SEPTIN8: variants seen among roughly 807,000 people sequenced by gnomAD.
SEPTIN8 encodes septin-8.
A neutral mutation model predicts 53.1 loss-of-function variants in SEPTIN8; 22 were observed. The observed-to-expected ratio is 0.41, with a 90% CI of 0.30 to 0.59. The LOEUF (loss-of-function observed/expected upper bound fraction) is 0.59, where lower values mean the gene tolerates loss of function less well. SEPTIN8 is among the 20% of genes least tolerant of loss of function. SEPTIN8 has a pLI of 0.24. For missense variants in SEPTIN8, 536 were observed against 638.7 expected (o/e 0.84, Z 1.73); for synonymous variants, 228 against 248.4 (o/e 0.92, Z 0.77).
chr5:132,757,403 G>C, intron 9 of SEPTIN8: 1 of 985,476 alleles, frequency 1.0e-6, no homozygotes, highest in Non-Finnish European at 1.2e-6. Context: ...ATCTCAGGAA[G>C]GCAGGAGGAA....
chr5:132,756,782 T>A, intron 9 of SEPTIN8: 2 of 985,426 alleles, frequency 2.0e-6, no homozygotes, highest in Non-Finnish European at 2.4e-6. Context: ...CCTTTCAGTA[T>A]GCCTGGGGTG....
intron 4 of SEPTIN8, 28 bp from the exon 5 acceptor site, chr5:132,762,673 G>A (rs1259699787): frequency 6.2e-7 from 1 of 1,613,460 alleles, no homozygotes; most frequent in Non-Finnish European, 8.5e-7. Flanking sequence ...GGGGACAGCA[G>A]GCTGGTTGGC....
chr5:132,752,880 G>C, intron 9 of SEPTIN8: 3 of 1,613,960 alleles, frequency 1.9e-6, no homozygotes, highest in Non-Finnish European at 2.5e-6. Context: ...GTGATATGCA[G>C]TACAGCTGCT....
intron 9 of SEPTIN8, chr5:132,752,899 C>G: frequency 6.2e-7 from 1 of 1,614,132 alleles, no homozygotes; most frequent in South Asian, 1.1e-5. Context: ...CTGCAAGGAA[C>G]TTGTAATGCA....
In SEPTIN8 at chr5:132,758,513, G is replaced by A. The variant is rs17716311; in HGVS notation, c.1286+2289C>T. ...CGCTAGAGCGGCACATAACAGCTCCGTCAGGGAATAGTGACACTGTAAATG... is the reference window on the plus strand; with the variant it reads ...CGCTAGAGCGGCACATAACAGCTCCATCAGGGAATAGTGACACTGTAAATG... On this transcript the variant is annotated intron_variant, in intron 9 of 9. Coordinates refer to ENST00000378719, the MANE Select transcript of SEPTIN8 (RefSeq NM_001098811.2). 11,741 of 1,613,262 alleles carry A rather than the reference G, an allele frequency of 7.3e-3. 326 individuals are homozygous for A. In the East Asian group the frequency reaches 0.096, roughly 13 times the overall value.
At position 132,761,226 on chromosome 5, in the gene SEPTIN8, T is replaced by C. The variant is rs1755905939; in HGVS notation, c.1002A>G (p.Leu334=). 5.6e-6 allele frequency: 9 copies of C among 1,614,132 alleles called. No homozygotes were observed. Among genetic ancestry groups the C allele is most frequent in the Non-Finnish European group, 7.6e-6 (9 of 1,180,034 alleles). The change falls in exon 8 of 10, where the codon CTA becomes CTG. Residue 334 remains leucine, a synonymous_variant. Coordinates refer to ENST00000378719, the MANE Select transcript of SEPTIN8 (RefSeq NM_001098811.2). The surrounding 1 kb of genome is among the most constrained non-coding windows in gnomAD (Gnocchi z 5.8). The part of the protein sequence containing the change: ...ETYEAKRKEF[L]SELQRKEEEM... ...CTTCCTCCTTCCTCTGCAGCTCACTTAGGAACTCCTTCCTCTTGGCCTCGT... is the reference window on the plus strand; with the variant it reads ...CTTCCTCCTTCCTCTGCAGCTCACTCAGGAACTCCTTCCTCTTGGCCTCGT...
At chr5:132,759,018 A>C (rs1448614939) in intron 9 of SEPTIN8, 2 of 721,846 alleles carry the variant, frequency 2.8e-6, no homozygotes, top group Non-Finnish European at 5.1e-6. Flanking sequence ...CTGATTGGGA[A>C]GTAATTTTGC....
intron 1 of SEPTIN8, among the ~76,000 whole-genome samples, chr5:132,766,114 G>A (rs1756563082): frequency 6.6e-6 from 1 of 152,198 alleles, no homozygotes; most frequent in African/African-American, 2.4e-5. Flanking sequence ...ACACCCACGT[G>A]TGGGACTCAT....
chr5:132,777,469 A>C (rs1273388955), upstream of SEPTIN8: 26 of 981,098 alleles, frequency 2.7e-5, no homozygotes, highest in Non-Finnish European at 3.2e-5. The surrounding 1 kb of genome is among the most constrained non-coding windows in gnomAD (Gnocchi z 4.1). Context: ...CCGGGACGGC[A>C]GTGTCGGGGG....
rs1219734653 is a variant in SEPTIN8, at chr5:132,776,129, C to T, written c.30+979G>A. On this transcript the variant is annotated intron_variant, in intron 1 of 9. Coordinates refer to ENST00000378719, the MANE Select transcript of SEPTIN8 (RefSeq NM_001098811.2). The surrounding 1 kb of genome is among the most constrained non-coding windows in gnomAD (Gnocchi z 4.4). The stretch of plus-strand genomic sequence containing the variant: ...TTATCGTTCACATATTCAGAATTCC[C>T]CCTTCCCTCCAACAGCCCTGGGCCT... Among the ~76,000 whole-genome samples the T allele has an allele frequency of 6.6e-6, 1 of 151,998 alleles. No individual in the cohort carries two copies. Among genetic ancestry groups the T allele is most frequent in the Admixed American group, 6.6e-5 (1 of 15,258 alleles).
chr5:132,758,664 C>T lies in SEPTIN8; in HGVS notation c.1286+2138G>A, dbSNP rs116236254. 1,373 of 1,591,460 alleles carry T rather than the reference C, an allele frequency of 8.6e-4. 11 individuals carry two copies. In the African/African-American group the frequency reaches 0.017, roughly 19 times the overall value. On this transcript the variant is annotated intron_variant, in intron 9 of 9. Transcript: ENST00000378719. ...GCCCGGGGCAGCCTGGGGCCAGGGT[C>T]GGTGGGAGGAAAGCAAGGCTGTAAA... is the stretch of plus-strand genomic sequence containing the variant.
chr5:132,779,265 G>A (rs778561865), upstream of SEPTIN8, among the ~76,000 whole-genome samples: 51 of 152,156 alleles, frequency 3.4e-4, no homozygotes, highest in Admixed American at 2.0e-4. Context: ...ATGGCAAAGT[G>A]TTATTTCTTA....
In SEPTIN8 at chr5:132,751,661, C is replaced by T; in HGVS notation, c.*355G>A. 1 of 445,488 alleles carries T rather than the reference C, an allele frequency of 2.2e-6. No individual in the cohort carries two copies. Among genetic ancestry groups the T allele is most frequent in the South Asian group, 3.7e-5 (1 of 27,164 alleles). The allele number at this position is 445,488 out of a possible 1,614,324, so 27.6% of individuals were successfully genotyped here. A position where few individuals can be genotyped will look rare whatever the true frequency, so the allele number is the denominator to read the frequency against. ...CAGATACAAGTAACTTTTCTGCTAC[C>T]TTGGTCTTGAATAGTATGTTTCTAT... On this transcript the variant is annotated 3_prime_UTR_variant, in exon 10 of 10. Coordinates refer to ENST00000378719, the MANE Select transcript of SEPTIN8 (RefSeq NM_001098811.2).
intron 9 of SEPTIN8, chr5:132,756,154 C>T (rs1485314804): frequency 1.0e-6 from 1 of 985,338 alleles, no homozygotes; most frequent in Non-Finnish European, 1.2e-6. Context: ...GCCACACTTC[C>T]TCAGGCCTCG....
Position 132,760,229 on chromosome 5 carries a change from C to T in SEPTIN8, c.1286+573G>A, listed in dbSNP as rs140618355. 1.4e-3 allele frequency among the ~76,000 whole-genome samples: 211 copies of T among 152,208 alleles called. No individual in the cohort carries two copies. Among genetic ancestry groups the T allele is most frequent in the Non-Finnish European group, 2.8e-3 (188 of 68,024 alleles). ...AGCCAATACGGGCTCCACACCACTG[C>T]CCCACAGACTGAGGAGGGATGCGCC... On this transcript the variant is annotated intron_variant, in intron 9 of 9. Transcript: ENST00000378719. This position sits in a 1 kb window ranked among gnomAD's most constrained non-coding sequence, Gnocchi z 5.2.
chr5:132,763,010 G>A (rs979069192), intron 4 of SEPTIN8, among the ~76,000 whole-genome samples: 5 of 152,150 alleles, frequency 3.3e-5, no homozygotes. Context: ...CCACTAAGCA[G>A]GTAAAAGGAC....
At chr5:132,754,506 A>T in intron 9 of SEPTIN8, 1 of 717,516 alleles carries the variant, frequency 1.4e-6, no homozygotes. Context: ...CTGAGAGCTG[A>T]TCCAACTCAA....
intron 9 of SEPTIN8, among the ~76,000 whole-genome samples, chr5:132,759,282 G>A (rs30533): frequency 0.36 from 55,334 of 151,970 alleles, 16,953 homozygotes; most frequent in African/African-American, 0.81. Context: ...CAGGTCCAGA[G>A]AACAGGAAAG....
rs1757788742 is a variant in SEPTIN8 at position 132,776,330 on chromosome 5, C to A, written c.30+778G>T. Among the ~76,000 whole-genome samples the A allele has an allele frequency of 6.6e-6, 1 of 152,186 alleles. No homozygotes were observed. The highest frequency in any genetic ancestry group is 2.1e-4 in the South Asian group (1 of 4,822). On this transcript the variant is annotated intron_variant, in intron 1 of 9. Transcript: ENST00000378719. The surrounding 1 kb of genome is among the most constrained non-coding windows in gnomAD (Gnocchi z 4.4). Reference sequence around the variant, plus strand: ...TACAACCCCCCAAAGGCCTCCCTCCCGCGAGTGAATTATGAAAGCCTTTAG... The same window carrying A: ...TACAACCCCCCAAAGGCCTCCCTCCAGCGAGTGAATTATGAAAGCCTTTAG...
Sources: gnomAD v4.1 joint callset for allele counts (sites outside exome capture counted in the v4.1 genomes callset) on GRCh38, gnomAD v4.1.1 for gene constraint, Gnocchi (gnomAD v3.1) non-coding constraint, MANE v1.5 for transcripts, NCBI Gene and HGNC (gene_info 2026-07-23, HGNC 2026-07-21) for gene names.